Variants in COL21A1 observed in about 807,000 individuals in gnomAD.
COL21A1 encodes collagen type XXI alpha 1 chain.
Under a neutral mutation model 137.9 loss-of-function variants are expected in COL21A1, and 149 were observed. The ratio of observed to expected loss-of-function variants is 1.08; its 90% CI spans 0.95 to 1.24. The LOEUF is 1.24. Ranked by LOEUF, COL21A1 falls within the 50% of genes most tolerant of loss-of-function variation. The probability of loss-of-function intolerance (pLI) is 0.00; values close to 1 mark genes in which losing one functional copy is unlikely to be tolerated. For missense variants in COL21A1, 1,167 were observed against 1,158.4 expected (o/e 1.01, Z -0.11); for synonymous variants, 456 against 391.5 (o/e 1.16, Z -1.95).
chr6:56,177,392 G>T (rs1777566907), intron 3 of COL21A1, among the ~76,000 whole-genome samples: 1 of 152,102 alleles, frequency 6.6e-6, no homozygotes, highest in African/African-American at 2.4e-5. Flanking sequence ...CAAAGAAAAA[G>T]CATGTGAATT....
chr6:56,141,947 C>T lies in COL21A1; in HGVS notation c.1471G>A (p.Gly491Arg). Residue 491 changes from glycine to arginine, a missense_variant, in exon 11 of 30, where the codon GGA (glycine) becomes AGA (arginine). Coordinates refer to ENST00000244728, the MANE Select transcript of COL21A1 (RefSeq NM_030820.4). ...QGIAGTPGVP[G>R]SPGIQGARGL... ...TCACATACTTGTATTCCTGGAGATC[C>T]TGGAACACCTGGTGTCCCTGCAATT... 6.5e-7 allele frequency: 1 copy of T among 1,545,804 alleles called. No individual in the cohort carries two copies. The highest frequency in any genetic ancestry group is 1.2e-5 in the South Asian group (1 of 83,212).
intron 16 of COL21A1, among the ~76,000 whole-genome samples, chr6:56,121,562 ATATATATATATGTATATG>A (rs1772529762): frequency 9.7e-6 from 1 of 103,280 alleles, no homozygotes; most frequent in South Asian, 3.0e-4. Flanking sequence ...GTATATGTGT[ATATATATATATGTATATG>A]TATATATATA....
intron 1 of COL21A1, among the ~76,000 whole-genome samples, chr6:56,304,531 C>T (rs371808125): frequency 1.3e-5 from 2 of 151,954 alleles, no homozygotes; most frequent in Non-Finnish European, 2.9e-5. Context: ...GAGGTGTTTA[C>T]AGTATTCTCT....
At chr6:56,382,831 AT>A (rs2094011036) in intron 1 of COL21A1, among the ~76,000 whole-genome samples, 1 of 152,100 alleles carries the variant, frequency 6.6e-6, no homozygotes, top group Non-Finnish European at 1.5e-5. Context: ...ATCCTATGGT[AT>A]TTTGTTATGG....
intron 17 of COL21A1, among the ~76,000 whole-genome samples, chr6:56,081,896 A>C (rs939845709): frequency 6.6e-6 from 1 of 151,958 alleles, no homozygotes; most frequent in African/African-American, 2.4e-5. Flanking sequence ...CATGTTTATA[A>C]TAAAGCAGAA....
In COL21A1 at chr6:56,182,574, A is replaced by G. The variant is rs1202650725; in HGVS notation, c.45T>C (p.Leu15=). 6.2e-7 allele frequency: 1 copy of G among 1,605,996 alleles called. No homozygotes were observed. Among genetic ancestry groups the G allele is most frequent in the Non-Finnish European group, 8.5e-7 (1 of 1,175,442 alleles). The stretch of plus-strand genomic sequence containing the variant: ...CTTCAGCTAACACAGAATTCTGAAG[A>G]AGCAGCACCAAAACCATGCAGAGAA... ...ITFLCMVLVL[L]LQNSVLAEDG... is the part of the protein sequence containing the mutation. Residue 15 remains leucine (L), a synonymous_variant, in exon 2 of 30, where the codon CTT becomes CTC. Transcript: ENST00000244728.
chr6:56,204,546 G>GGGTGCAGCTTCAACATAC (rs1464315383), intron 1 of COL21A1, among the ~76,000 whole-genome samples: 4 of 152,258 alleles, frequency 2.6e-5, no homozygotes, highest in East Asian at 3.9e-4. Flanking sequence ...TGGAGGCTGT[G>GGGTGCAGCTTCAACATAC]GGTGCAGCTT....
chr6:56,272,805 C>T (rs1479044667), intron 1 of COL21A1, among the ~76,000 whole-genome samples: 2 of 152,138 alleles, frequency 1.3e-5, no homozygotes, highest in Non-Finnish European at 2.9e-5. Context: ...GATGAAGGTA[C>T]TTGCTTCTCC....
chr6:56,340,756 T>C (rs1357921088), intron 1 of COL21A1, among the ~76,000 whole-genome samples: 1 of 152,148 alleles, frequency 6.6e-6, no homozygotes, highest in African/African-American at 2.4e-5. Flanking sequence ...CATTTGAAAA[T>C]CATGATAAAT....
chr6:56,175,715 C>T (rs1777417084), intron 3 of COL21A1, among the ~76,000 whole-genome samples: 1 of 152,048 alleles, frequency 6.6e-6, no homozygotes, highest in Admixed American at 6.6e-5. Context: ...CTAACTTGAT[C>T]TACAGATTCA....
intron 1 of COL21A1, chr6:56,276,763 C>T: frequency 2.5e-6 from 3 of 1,218,344 alleles, no homozygotes; most frequent in Non-Finnish European, 3.6e-6. Context: ...ATCATCTCTA[C>T]TTTATTTGCT....
chr6:56,326,396 T>C (rs1765090948), intron 1 of COL21A1, among the ~76,000 whole-genome samples: 1 of 151,806 alleles, frequency 6.6e-6, no homozygotes, highest in Admixed American at 6.6e-5. Context: ...TGTATTGAGT[T>C]AGAAGCAAAA....
intron 5 of COL21A1, among the ~76,000 whole-genome samples, chr6:56,170,323 G>C (rs1776936233): frequency 6.6e-6 from 1 of 151,712 alleles, no homozygotes; most frequent in Non-Finnish European, 1.5e-5. Flanking sequence ...TATTTTGAGG[G>C]AGAACTTAAC....
At chr6:56,354,546 C>T (rs1175478202) in intron 1 of COL21A1, among the ~76,000 whole-genome samples, 1 of 152,028 alleles carries the variant, frequency 6.6e-6, no homozygotes, top group Non-Finnish European at 1.5e-5. Context: ...CCATTGGCCA[C>T]AGATAGAAGA....
At chr6:56,271,142 T>C (rs1023928054) in intron 1 of COL21A1, among the ~76,000 whole-genome samples, 1 of 152,206 alleles carries the variant, frequency 6.6e-6, no homozygotes, top group African/African-American at 2.4e-5. Context: ...GACTGTTGAA[T>C]GGTTTTGACC....
rs1181633092 is a variant in COL21A1, at chr6:56,356,272, A to G, written c.-39+37699T>C. On this transcript the variant is annotated intron_variant, in intron 1 of 28. Coordinates refer to the COL21A1 transcript ENST00000370819. The stretch of plus-strand genomic sequence containing the variant: ...AGGAGCTGAAGTACTATAAGGGGCT[A>G]GACTGAGATGTCTCAATCTCAGCAC... 2.0e-5 allele frequency among the ~76,000 whole-genome samples: 3 copies of G among 152,152 alleles called. No individual in the cohort carries two copies. The East Asian group carries it at 5.8e-4, about 29-fold the overall frequency.
chr6:56,198,147 T>C (rs952358225), intron 1 of COL21A1, among the ~76,000 whole-genome samples: 3 of 152,028 alleles, frequency 2.0e-5, no homozygotes, highest in Admixed American at 6.6e-5. Flanking sequence ...CATGATCACA[T>C]GTTGAAATCT....
At chr6:56,260,236 T>C (rs1763218713) in intron 1 of COL21A1, among the ~76,000 whole-genome samples, 1 of 152,092 alleles carries the variant, frequency 6.6e-6, no homozygotes, top group Non-Finnish European at 1.5e-5. Flanking sequence ...CAAGAAAGGC[T>C]TGGATAAAAA....
At chr6:56,233,813 A>G (rs1464979433) in intron 1 of COL21A1, among the ~76,000 whole-genome samples, 3 of 144,698 alleles carry the variant, frequency 2.1e-5, no homozygotes, top group Non-Finnish European at 4.6e-5. Context: ...AAAAATCCTA[A>G]GTGTTTGGGG....
Sources: gnomAD v4.1 joint callset for allele counts (sites outside exome capture counted in the v4.1 genomes callset) on GRCh38, gnomAD v4.1.1 for gene constraint, MANE v1.5 for transcripts, NCBI Gene and HGNC (gene_info 2026-07-23, HGNC 2026-07-21) for gene names.